Variants in SH2D3C observed in about 807,000 individuals in gnomAD.
The protein encoded by SH2D3C is SH2 domain containing 3C.
In SH2D3C, 25 loss-of-function variants were observed where a neutral mutation model predicts 75.2. The observed-to-expected ratio is 0.33, with a 90% confidence interval of 0.24 to 0.46. The LOEUF (loss-of-function observed/expected upper bound fraction) is 0.46. Among genes scored for constraint, SH2D3C ranks in the 20% least tolerant of loss-of-function variants. SH2D3C has a pLI of 1.00. For synonymous variants in SH2D3C, 450 were observed against 473.7 expected, an observed-to-expected ratio of 0.95 and a Z score of 0.65; for missense variants, 933 against 1,165.3, an observed-to-expected ratio of 0.80 and a Z score of 2.90.
In SH2D3C at chr9:127,740,323, G is replaced by A; in HGVS notation, c.2135C>T (p.Thr712Ile). 6.2e-7 allele frequency: 1 copy of A among 1,614,164 alleles called. No homozygotes were observed. Among genetic ancestry groups the A allele is most frequent in the Non-Finnish European group, 8.5e-7 (1 of 1,180,032 alleles). The change falls in exon 10 of 12, where the codon ACA becomes ATA. Residue 712 changes from threonine (T) to isoleucine (I), a missense_variant. Coordinates refer to ENST00000314830, the MANE Select transcript of SH2D3C (RefSeq NM_170600.3). ...CTTCTCGTACAGGATGGCACCCTCT[G>A]TGTGTCGCTGCCGCAGGGTCACCCA... ...QTWVTLRQRH[T>I]EGAILYEKKL...
intron 2 of SH2D3C, among the ~76,000 whole-genome samples, chr9:127,768,250 G>A (rs1342533083): frequency 6.6e-6 from 1 of 152,146 alleles, no homozygotes; most frequent in Non-Finnish European, 1.5e-5. Flanking sequence ...TGGGACTCTG[G>A]GGAGAGTTGG....
At chr9:127,760,595 T>A (rs1473972085) in intron 3 of SH2D3C, among the ~76,000 whole-genome samples, 1 of 151,426 alleles carries the variant, frequency 6.6e-6, no homozygotes, top group Non-Finnish European at 1.5e-5. Context: ...GAACTTAAAG[T>A]ATATAAAAAT....
chr9:127,749,639 G>A lies in SH2D3C; in HGVS notation c.711C>T (p.Asn237=), dbSNP rs140508298. The A allele has an allele frequency of 1.4e-4, 217 of 1,565,032 alleles. No homozygotes were observed. In the African/African-American group the frequency reaches 2.6e-3, roughly 19 times the overall value. ...REVSETLVQR[N]GDFLIRDSLT... Reference sequence around the variant, plus strand: ...GTGAGTCCCGGATGAGGAAGTCGCCGTTGCGTTGTACCAAGGTCTCCGAGA... The same window carrying A: ...GTGAGTCCCGGATGAGGAAGTCGCCATTGCGTTGTACCAAGGTCTCCGAGA... Residue 237 remains asparagine (N), a synonymous_variant, in exon 5 of 12, where the codon AAC becomes AAT. Transcript: ENST00000314830. This position sits in a 1 kb window ranked among gnomAD's most constrained non-coding sequence, Gnocchi z 5.9.
At chr9:127,777,855 C>T (rs542557685) in intron 1 of SH2D3C, among the ~76,000 whole-genome samples, 6 of 150,038 alleles carry the variant, frequency 4.0e-5, no homozygotes, top group African/African-American at 1.5e-4. Context: ...CAGTGATGGA[C>T]AAAGAGAAAC....
At chr9:127,742,718 TG>T in intron 8 of SH2D3C, 130 bp downstream of exon 8, 1 of 617,494 alleles carries the variant, frequency 1.6e-6, no homozygotes, top group Non-Finnish European at 2.8e-6. Flanking sequence ...GATTGGTCAA[TG>T]GGATGGGAGG....
chr9:127,759,397 G>A (rs1190815262), intron 3 of SH2D3C, among the ~76,000 whole-genome samples: 6 of 152,150 alleles, frequency 3.9e-5, no homozygotes, highest in Non-Finnish European at 8.8e-5. Flanking sequence ...TGTATTTTTA[G>A]TAGAGATAGG....
Position 127,744,608 on chromosome 9 carries a change from C to T in SH2D3C, c.1756G>A (p.Asp586Asn). ...RKVKELLAEV[D>N]ARTLARHVTK... is the part of the protein sequence containing the mutation. ...ACATGCCGGGCCAGCGTCCGGGCAT[C>T]CACTTCTGCCAGCAGCTCCTTGACC... Residue 586 changes from aspartate to asparagine, a missense_variant, in exon 7 of 12, where the codon GAT becomes AAT. By Grantham distance (23) the Asp-to-Asn change is conservative. Coordinates refer to ENST00000314830, the MANE Select transcript of SH2D3C (RefSeq NM_170600.3). 1.9e-6 allele frequency: 3 copies of T among 1,612,732 alleles called. No homozygotes were observed. The highest frequency in any genetic ancestry group is 2.5e-6 in the Non-Finnish European group (3 of 1,178,786).
At chr9:127,777,364 C>T (rs1186262771) in intron 1 of SH2D3C, among the ~76,000 whole-genome samples, 1 of 152,152 alleles carries the variant, frequency 6.6e-6, no homozygotes, top group Admixed American at 6.5e-5. Flanking sequence ...TGGGTCCCAG[C>T]CTCACTGCTG....
intron 1 of SH2D3C, 132 bp downstream of exon 1, chr9:127,778,459 C>G: frequency 1.2e-6 from 1 of 819,898 alleles, no homozygotes; most frequent in Non-Finnish European, 2.1e-6. Flanking sequence ...TGTCCAAAAG[C>G]AAAAAACAAA....
intron 9 of SH2D3C, 23 bp from the exon 10 acceptor site, chr9:127,740,392 G>T (rs1844819161): frequency 6.3e-7 from 1 of 1,597,584 alleles, no homozygotes; most frequent in Non-Finnish European, 8.6e-7. Flanking sequence ...AACTGTGAGA[G>T]ACCAGCCAGG....
Position 127,774,167 on chromosome 9 carries a change from T to A in SH2D3C, c.338A>T (p.Asp113Val). ...TTTGGCTGCCTCCAAGCCTGGGGGG[T>A]CGGGTACACCTCCGGGTACCAAGTT... is the stretch of plus-strand genomic sequence containing the variant. ...KPNLVPGGVP[D>V]PPGLEAAKEV... is the part of the protein sequence containing the mutation. Residue 113 changes from aspartate to valine, a missense_variant, in exon 2 of 12, where the codon GAC (aspartate) becomes GTC (valine). Asp to Val is a radical substitution (Grantham distance 152). Transcript: ENST00000314830. The surrounding 1 kb of genome is among the most constrained non-coding windows in gnomAD (Gnocchi z 4.3). 1 of 1,613,752 alleles carries A rather than the reference T, an allele frequency of 6.2e-7. No homozygotes were observed. The highest frequency in any genetic ancestry group is 2.2e-5 in the East Asian group (1 of 44,856).
In SH2D3C at chr9:127,767,210, A is replaced by G. The variant is rs775657704; in HGVS notation, c.516-5560T>C. ...GTGAGGAGAAGGCAGAGCAGGGGCCATTCTTCCCAGAGCGGAGCTGAGGAT... is the reference window on the plus strand; with the variant it reads ...GTGAGGAGAAGGCAGAGCAGGGGCCGTTCTTCCCAGAGCGGAGCTGAGGAT... On this transcript the variant is annotated intron_variant, in intron 2 of 11. Coordinates refer to ENST00000314830, the MANE Select transcript of SH2D3C (RefSeq NM_170600.3). 1.0e-4 allele frequency: 154 copies of G among 1,525,424 alleles called. 2 individuals carry two copies. The Middle Eastern group carries it at 2.1e-3, about 20-fold the overall frequency. The allele number at this position is 1,525,424 out of a possible 1,614,324, so 94.5% of individuals were successfully genotyped here.
rs1844821667 is a variant in SH2D3C at position 127,740,450 on chromosome 9, A to T, written c.2089-81T>A. 6 of 904,530 alleles carry T rather than the reference A, an allele frequency of 6.6e-6. No individual in the cohort carries two copies. In the South Asian group the frequency reaches 8.1e-5, roughly 12 times the overall value. 56.0% of individuals were successfully genotyped at this position (904,530 alleles called of 1,614,324 possible). Reference sequence around the variant, plus strand: ...CTGCTGCCCTGCTGAGTGGACACCCAGATGTGGGATCGTTATTATTATTAT... The same window carrying T: ...CTGCTGCCCTGCTGAGTGGACACCCTGATGTGGGATCGTTATTATTATTAT... On this transcript the variant is annotated intron_variant, in intron 9 of 11. Coordinates refer to ENST00000314830, the MANE Select transcript of SH2D3C (RefSeq NM_170600.3).
chr9:127,749,151 C>T lies in SH2D3C; in HGVS notation c.1139+60G>A. 1 of 1,260,888 alleles carries T rather than the reference C, an allele frequency of 7.9e-7. No individual in the cohort carries two copies. Among genetic ancestry groups the T allele is most frequent in the Non-Finnish European group, 1.1e-6 (1 of 908,980 alleles). 78.1% of individuals were successfully genotyped at this position (1,260,888 alleles called of 1,614,324 possible). On this transcript the variant is annotated intron_variant, in intron 5 of 11. Transcript: ENST00000314830. This position sits in a 1 kb window ranked among gnomAD's most constrained non-coding sequence, Gnocchi z 5.9. ...CCATTTCAGTGTACCTAGGCCTTCTCTTTCTCACTAGCCCTCTCATTACCC... is the reference window on the plus strand; with the variant it reads ...CCATTTCAGTGTACCTAGGCCTTCTTTTTCTCACTAGCCCTCTCATTACCC...
rs1228366875 is a variant in SH2D3C at position 127,741,827 on chromosome 9, G to A, written c.2049C>T (p.Phe683=). 3 of 1,613,392 alleles carry A rather than the reference G, an allele frequency of 1.9e-6. No homozygotes were observed. Among genetic ancestry groups the A allele is most frequent in the Admixed American group, 3.3e-5 (2 of 60,022 alleles). ...AELRGTMGNM[F]SFAAVMGALD... ...GGGCACCCATGACCGCCGCGAAGCT[G>A]AACATGTTGCCCATAGTCCCCCGCA... Residue 683 remains phenylalanine, a synonymous_variant, in exon 9 of 12, where the codon TTC becomes TTT. Coordinates refer to ENST00000314830, the MANE Select transcript of SH2D3C (RefSeq NM_170600.3).
At chr9:127,769,044 G>A (rs1045182962) in intron 2 of SH2D3C, among the ~76,000 whole-genome samples, 1 of 152,096 alleles carries the variant, frequency 6.6e-6, no homozygotes, top group East Asian at 1.9e-4. Context: ...AAATTTTCTC[G>A]TTAAGGCTTT....
intron 3 of SH2D3C, chr9:127,755,192 T>G: frequency 8.4e-7 from 1 of 1,186,418 alleles, no homozygotes. Context: ...CGGGACGGTG[T>G]GGGGGGGCGG....
At chr9:127,769,216 GACA>G (rs1263189100) in intron 2 of SH2D3C, among the ~76,000 whole-genome samples, 1 of 152,164 alleles carries the variant, frequency 6.6e-6, no homozygotes, top group African/African-American at 2.4e-5. Flanking sequence ...CAGTCAAAAT[GACA>G]ATGAATATCA....
intron 2 of SH2D3C, chr9:127,767,192 G>A (rs1380004340): frequency 2.0e-6 from 3 of 1,532,516 alleles, no homozygotes; most frequent in Admixed American, 3.9e-5. Context: ...CTTGTGAGGA[G>A]AAGGCAGAGC....
Sources: gnomAD v4.1 joint callset for allele counts (sites outside exome capture counted in the v4.1 genomes callset) on GRCh38, gnomAD v4.1.1 for gene constraint, Gnocchi (gnomAD v3.1) non-coding constraint, MANE v1.5 for transcripts, NCBI Gene and HGNC (gene_info 2026-07-23, HGNC 2026-07-21) for gene names.